Variants in TMTC3 observed in about 807,000 individuals in gnomAD.
TMTC3 encodes transmembrane O-mannosyltransferase targeting cadherins 3.
TMTC3 carries 52 observed loss-of-function variants against 92.2 expected under a neutral mutation model. The observed-to-expected ratio is 0.56, with a 90% confidence interval of 0.45 to 0.71. The LOEUF is 0.71. Among genes scored for constraint, TMTC3 ranks in the 30% least tolerant of loss-of-function variants. The pLI is 0.00. For synonymous variants in TMTC3, 339 were observed against 363.3 expected (o/e 0.93, Z 0.76); for missense variants, 896 against 1,057.1 (o/e 0.85, Z 2.11).
intron 10 of TMTC3, among the ~76,000 whole-genome samples, chr12:88,178,583 G>A (rs1302950906): frequency 6.6e-6 from 1 of 151,888 alleles, no homozygotes; most frequent in Non-Finnish European, 1.5e-5. Flanking sequence ...TATTTAAACT[G>A]TGGAGCTTCC....
At chr12:88,173,100 T>C (rs1432597138) in intron 8 of TMTC3, 1 of 1,268,608 alleles carries the variant, frequency 7.9e-7, no homozygotes, top group African/African-American at 1.5e-5. Context: ...GTGAGTCATA[T>C]TGAGTTAATA....
intron 10 of TMTC3, among the ~76,000 whole-genome samples, chr12:88,181,323 C>T (rs578026905): frequency 1.4e-4 from 22 of 152,086 alleles, no homozygotes; most frequent in South Asian, 2.1e-4. Context: ...TTGCCATAAC[C>T]GATTAGGTTC....
chr12:88,176,340 A>T, intron 10 of TMTC3, 21 bp downstream of exon 10: 1 of 1,519,772 alleles, frequency 6.6e-7, no homozygotes, highest in South Asian at 1.2e-5. Context: ...TTAACTAATA[A>T]AATCATGAAT....
intron 9 of TMTC3, among the ~76,000 whole-genome samples, chr12:88,175,176 GA>G (rs35576106): frequency 8.6e-5 from 12 of 140,290 alleles, no homozygotes; most frequent in African/African-American, 7.8e-5. Flanking sequence ...AATGTACAGC[GA>G]AAAAAAAAAG....
Position 88,192,727 on chromosome 12 carries a change from T to TA in TMTC3, c.1833dup (p.Glu612ArgfsTer4), listed in dbSNP as rs770801060. On this transcript the variant is annotated frameshift_variant, in exon 13 of 14. Transcript: ENST00000266712. LOFTEE classifies it high-confidence loss of function. ...ACTTGGCAATTGTACATATTGAACTTAAAGAACCAAATGAAGCCCTAAAAA... is the reference window on the plus strand; with the variant it reads ...ACTTGGCAATTGTACATATTGAACTTAAAAGAACCAAATGAAGCCCTAAAAA... 1 of 1,613,558 alleles carries TA rather than the reference T, an allele frequency of 6.2e-7. No homozygotes were observed. Among genetic ancestry groups the TA allele is most frequent in the Non-Finnish European group, 8.5e-7 (1 of 1,179,700 alleles).
rs77314985 is a variant in TMTC3 at position 88,181,774 on chromosome 12, A to G, written c.1432+5455A>G. ...CTCCAGGGCCAATATTAAGGCTCCAACCTCAGCTCTCTGAGTGCTGGTAAA... is the reference window on the plus strand; with the variant it reads ...CTCCAGGGCCAATATTAAGGCTCCAGCCTCAGCTCTCTGAGTGCTGGTAAA... On this transcript the variant is annotated intron_variant, in intron 10 of 13. Transcript: ENST00000266712. Among the ~76,000 whole-genome samples, 688 of 152,310 alleles carry G rather than the reference A, an allele frequency of 4.5e-3. 16 individuals carry two copies. The East Asian group carries it at 0.051, about 11-fold the overall frequency.
chr12:88,190,648 C>T (rs371745190), intron 12 of TMTC3, 26 bp downstream of exon 12: 10 of 1,604,966 alleles, frequency 6.2e-6, no homozygotes, highest in Non-Finnish European at 8.5e-6. Context: ...TTTAAGCTAT[C>T]ATTATGGAAT....
Position 88,188,909 on chromosome 12 carries a change from A to G in TMTC3, c.1499A>G (p.Glu500Gly). The G allele has an allele frequency of 6.2e-7, 1 of 1,602,654 alleles. No individual in the cohort carries two copies. The highest frequency in any genetic ancestry group is 8.5e-7 in the Non-Finnish European group (1 of 1,175,194). Residue 500 changes from glutamate to glycine, a missense_variant, in exon 11 of 14, where the codon GAA (glutamate) becomes GGA (glycine). Transcript: ENST00000266712. The part of the protein sequence containing the change: ...YKNLNRTKEA[E>G]ESYMMAKSLM... The stretch of plus-strand genomic sequence containing the variant: ...AATTTAAATAGAACCAAAGAAGCTG[A>G]AGAATCTTACATGATGGCTAAATCA...
chr12:88,195,587 A>C lies in TMTC3; in HGVS notation c.2683A>C (p.Lys895Gln). Residue 895 changes from lysine to glutamine, a missense_variant, in exon 14 of 14, where the codon AAG becomes CAG. Coordinates refer to ENST00000266712, the MANE Select transcript of TMTC3 (RefSeq NM_181783.4). ...AACAAAAGACATCAAAGAAATTGAG[A>C]AGAAAAGAGTTGCTGCTTTAAAAAG... is the stretch of plus-strand genomic sequence containing the variant. ...KTTKDIKEIEKKRVAALKRLE... is the reference protein window; with the variant it reads ...KTTKDIKEIEQKRVAALKRLE... The C allele has an allele frequency of 5.0e-6, 8 of 1,605,982 alleles. No homozygotes were observed. The highest frequency in any genetic ancestry group is 5.9e-6 in the Non-Finnish European group (7 of 1,177,946).
chr12:88,192,561 A>G, intron 12 of TMTC3, 43 bp from the exon 13 acceptor site: 1 of 1,455,704 alleles, frequency 6.9e-7, no homozygotes, highest in Non-Finnish European at 9.5e-7. Context: ...ACAAACTGAG[A>G]TGGTAATGTT....
intron 13 of TMTC3, 26 bp from the exon 14 acceptor site, chr12:88,194,812 A>ATTTTTTTTTTT (rs1565961193): frequency 7.1e-7 from 1 of 1,405,402 alleles, no homozygotes; most frequent in East Asian, 2.4e-5. Flanking sequence ...TTAACAATAT[A>ATTTTTTTTTTT]TTTTTTCTTT....
Position 88,194,855 on chromosome 12 carries a change from C to T in TMTC3, c.1951C>T (p.Pro651Ser). 6.3e-7 allele frequency: 1 copy of T among 1,595,946 alleles called. No individual in the cohort carries two copies. The stretch of plus-strand genomic sequence containing the variant: ...CTTTCTAGGTGAGGTTAAACTCAGA[C>T]CTGAAGCTAGAAAACGACTTCTAAG... ...MQESGEVKLR[P>S]EARKRLLSYI... is the part of the protein sequence containing the mutation. The change falls in exon 14 of 14, where the codon CCT becomes TCT. Residue 651 changes from proline to serine, a missense_variant. Physicochemically the swap from Pro to Ser is moderately conservative, Grantham distance 74 (BLOSUM62 -1). Transcript: ENST00000266712.
At chr12:88,154,455 C>A in intron 4 of TMTC3, 68 bp downstream of exon 4, 1 of 1,082,764 alleles carries the variant, frequency 9.2e-7, no homozygotes, top group Non-Finnish European at 1.3e-6. Flanking sequence ...TTATTTACTC[C>A]AAGTGCTTCT....
intron 11 of TMTC3, 109 bp downstream of exon 11, chr12:88,189,055 G>C: frequency 1.6e-6 from 1 of 642,730 alleles, no homozygotes. Flanking sequence ...TGATATAAAA[G>C]TAAGTTTTAT....
At position 88,192,766 on chromosome 12, in the gene TMTC3, T is replaced by C; in HGVS notation, c.1869T>C (p.Ala623=). Residue 623 remains alanine (A), a synonymous_variant, in exon 13 of 14, where the codon GCT becomes GCC. Coordinates refer to ENST00000266712, the MANE Select transcript of TMTC3 (RefSeq NM_181783.4). Reference sequence around the variant, plus strand: ...AAGCCCTAAAAAACTTTAATCGTGCTCTGGAACTAAATCCAAAGCATAAAC... The same window carrying C: ...AAGCCCTAAAAAACTTTAATCGTGCCCTGGAACTAAATCCAAAGCATAAAC... ...PNEALKNFNR[A]LELNPKHKLA... 1.9e-6 allele frequency: 3 copies of C among 1,613,460 alleles called. No homozygotes were observed. Among genetic ancestry groups the C allele is most frequent in the Non-Finnish European group, 1.7e-6 (2 of 1,179,680 alleles).
Position 88,142,495 on chromosome 12 carries a change from C to G in TMTC3, c.-29+8C>G, listed in dbSNP as rs1452846996. 6.6e-6 allele frequency: 1 copy of G among 152,668 alleles called. No individual in the cohort carries two copies. The highest frequency in any genetic ancestry group is 1.5e-5 in the Non-Finnish European group (1 of 68,458). 9.5% of individuals were successfully genotyped at this position (152,668 alleles called of 1,614,324 possible). ...TGGCGGAACCGCCCCCAGGTGAGGT[C>G]GAGCTGTCGGTCAGCATATTGGGAG... On this transcript the variant is annotated splice_region_variant and intron_variant, in intron 1 of 13. Coordinates refer to ENST00000266712, the MANE Select transcript of TMTC3 (RefSeq NM_181783.4).
In TMTC3 at chr12:88,192,637, TAAAGC is replaced by T; in HGVS notation, c.1745_1749del (p.Ala582GlyfsTer5). On this transcript the variant is annotated frameshift_variant, in exon 13 of 14. Transcript: ENST00000266712. LOFTEE classifies it high-confidence loss of function. ...TGCTTTTAAAAATGAATAAACCTCT[TAAAGC>T]AAAGGAAGCATATCTTAAAGCACTA... 1.2e-6 allele frequency: 2 copies of T among 1,611,058 alleles called. No homozygotes were observed. The highest frequency in any genetic ancestry group is 1.7e-6 in the Non-Finnish European group (2 of 1,177,788).
chr12:88,192,606 G>T lies in TMTC3; in HGVS notation c.1709G>T (p.Gly570Val). 2 of 1,599,068 alleles carry T rather than the reference G, an allele frequency of 1.3e-6. No homozygotes were observed. The highest frequency in any genetic ancestry group is 2.2e-5 in the South Asian group (2 of 90,190). Reference protein sequence around the residue: ...PDFKQAYISRGELLLKMNKPL... With the variant: ...PDFKQAYISRVELLLKMNKPL... ...GCTTGTGTTTGATTTTTCCACAGAG[G>T]AGAATTGCTTTTAAAAATGAATAAA... is the stretch of plus-strand genomic sequence containing the variant. The change falls in exon 13 of 14, where the codon GGA (glycine) becomes GTA (valine). Residue 570 changes from glycine to valine, a missense_variant and splice_region_variant. By Grantham distance (109) the Gly-to-Val change is moderately radical. Coordinates refer to ENST00000266712, the MANE Select transcript of TMTC3 (RefSeq NM_181783.4).
chr12:88,171,146 CAT>C (rs908790777), intron 7 of TMTC3, among the ~76,000 whole-genome samples: 27 of 152,158 alleles, frequency 1.8e-4, no homozygotes, highest in African/African-American at 5.8e-4. Flanking sequence ...TTTCCAATAT[CAT>C]GTGGTTTCTT....
Sources: allele counts gnomAD v4.1 joint callset (sites outside exome capture counted in the v4.1 genomes callset), GRCh38; gene constraint gnomAD v4.1.1; transcripts MANE v1.5; gene names NCBI Gene and HGNC (gene_info 2026-07-23, HGNC 2026-07-21).